The following ZNF587B variants were observed in gnomAD, a reference collection of about 807,000 sequenced individuals.
ZNF587B encodes zinc finger protein 587B.
ZNF587B carries 6 observed loss-of-function variants against 7.2 expected under a neutral mutation model. That is an observed-to-expected ratio of 0.83 (90% CI 0.46 to 1.65). The LOEUF is 1.65. ZNF587B is among the 40% of genes most tolerant of loss of function. The probability of loss-of-function intolerance (pLI) is 0.01; values close to 1 mark genes in which losing one functional copy is unlikely to be tolerated. For missense variants in ZNF587B, 749 were observed against 761.0 expected, an observed-to-expected ratio of 0.98 and a Z score of 0.19; for synonymous variants, 274 against 254.3, an observed-to-expected ratio of 1.08 and a Z score of -0.74.
chr19:57,841,255 G>C lies in ZNF587B; in HGVS notation c.581G>C (p.Gly194Ala). The change falls in exon 3 of 3, where the codon GGG becomes GCG. Residue 194 changes from glycine to alanine, a missense_variant. Coordinates refer to ENST00000594901, the MANE Select transcript of ZNF587B (RefSeq NM_001376223.1). ...CTCCAGCAGGAGGCCAGTCACACTG[G>C]GGAGAAGTCAAACAGCAAAACTGAG... ...GLLQQEASHTGEKSNSKTECV... is the reference protein window; with the variant it reads ...GLLQQEASHTAEKSNSKTECV... 6.2e-7 allele frequency: 1 copy of C among 1,614,124 alleles called. No homozygotes were observed. Among genetic ancestry groups the C allele is most frequent in the Non-Finnish European group, 8.5e-7 (1 of 1,180,026 alleles).
intron 1 of ZNF587B, among the ~76,000 whole-genome samples, chr19:57,838,763 T>C (rs1387108661): frequency 2.0e-5 from 3 of 152,140 alleles, no homozygotes; most frequent in African/African-American, 4.8e-5. Flanking sequence ...AGGTGCCACA[T>C]TGGGCTTCCC....
Position 57,846,188 on chromosome 19 carries a change from T to C in ZNF587B, c.*3612T>C, listed in dbSNP as rs996708685. 26 of 152,180 alleles carry C rather than the reference T, an allele frequency of 1.7e-4. No individual in the cohort carries two copies. The highest frequency in any genetic ancestry group is 6.3e-4 in the African/African-American group (26 of 41,444). 9.4% of individuals were successfully genotyped at this position (152,180 alleles called of 1,614,324 possible). A position where few individuals can be genotyped will look rare whatever the true frequency, so the allele number is the denominator to read the frequency against. ...TACTTTGCTGTATGATGGAGTACTTTCCATTTTCTGGAATTTTCTGACTGA... is the reference window on the plus strand; with the variant it reads ...TACTTTGCTGTATGATGGAGTACTTCCCATTTTCTGGAATTTTCTGACTGA... On this transcript the variant is annotated 3_prime_UTR_variant, in exon 3 of 3. Transcript: ENST00000594901.
rs777642678 is a variant in ZNF587B, at chr19:57,843,212, G to A, written c.*636G>A. On this transcript the variant is annotated 3_prime_UTR_variant, in exon 3 of 3. Coordinates refer to ENST00000594901, the MANE Select transcript of ZNF587B (RefSeq NM_001376223.1). Reference sequence around the variant, plus strand: ...TTTACCATGTTTCCAGGCTGGTATCGAACTCCTGAGCTCAAGCAATCTGTA... The same window carrying A: ...TTTACCATGTTTCCAGGCTGGTATCAAACTCCTGAGCTCAAGCAATCTGTA... The A allele has an allele frequency of 3.6e-4, 290 of 812,846 alleles. No individual in the cohort carries two copies. The highest frequency in any genetic ancestry group is 4.1e-4 in the Non-Finnish European group (275 of 673,012). 50.4% of individuals were successfully genotyped at this position (812,846 alleles called of 1,614,324 possible). A position where few individuals can be genotyped will look rare whatever the true frequency, so the allele number is the denominator to read the frequency against.
rs1307700200 is a variant in ZNF587B, at chr19:57,841,277, T to A, written c.603T>A (p.Thr201=). 9 of 1,613,966 alleles carry A rather than the reference T, an allele frequency of 5.6e-6. No individual in the cohort carries two copies. The East Asian group carries it at 2.0e-4, about 36-fold the overall frequency. ...CTGGGGAGAAGTCAAACAGCAAAAC[T>A]GAGTGTGTGTCTCCCTTTCAGTGTG... is the stretch of plus-strand genomic sequence containing the variant. The part of the protein sequence containing the change: ...SHTGEKSNSK[T]ECVSPFQCGG... The change falls in exon 3 of 3, where the codon ACT becomes ACA. Residue 201 remains threonine (T), a synonymous_variant. Coordinates refer to ENST00000594901, the MANE Select transcript of ZNF587B (RefSeq NM_001376223.1).
In ZNF587B at chr19:57,842,941, A is replaced by C; in HGVS notation, c.*365A>C. 1 of 985,378 alleles carries C rather than the reference A, an allele frequency of 1.0e-6. No homozygotes were observed. The highest frequency in any genetic ancestry group is 1.2e-6 in the Non-Finnish European group (1 of 829,922). 61.0% of individuals were successfully genotyped at this position (985,378 alleles called of 1,614,324 possible). ...GCCTTCTGTCATTGAATCCTAGAAC[A>C]CTGAGATGAGAAAAACACTGTAGAT... is the stretch of plus-strand genomic sequence containing the variant. On this transcript the variant is annotated 3_prime_UTR_variant, in exon 3 of 3. Transcript: ENST00000594901.
chr19:57,843,563 T>TTTGG lies in ZNF587B; in HGVS notation c.*1011_*1014dup, dbSNP rs1297723265. On this transcript the variant is annotated 3_prime_UTR_variant, in exon 3 of 3. Coordinates refer to ENST00000594901, the MANE Select transcript of ZNF587B (RefSeq NM_001376223.1). The stretch of plus-strand genomic sequence containing the variant: ...AGAGATTTTTTTTTTAAGTTTTTTG[T>TTTGG]TTGGTTGGTTGGTTGGTTGGTTGGT... 507 of 947,938 alleles carry TTTGG rather than the reference T, an allele frequency of 5.3e-4. 1 individual carries two copies. Among genetic ancestry groups the TTTGG allele is most frequent in the East Asian group, 8.5e-4 (7 of 8,236 alleles). 58.7% of individuals were successfully genotyped at this position (947,938 alleles called of 1,614,324 possible). A position where few individuals can be genotyped will look rare whatever the true frequency, so the allele number is the denominator to read the frequency against.
chr19:57,838,934 G>A, intron 1 of ZNF587B, 89 bp from the exon 2 acceptor site: 1 of 1,454,566 alleles, frequency 6.9e-7, no homozygotes, highest in South Asian at 1.3e-5. Flanking sequence ...TTGAGAGGAG[G>A]ATGTGCGAGA....
chr19:57,834,881 G>T, intron 1 of ZNF587B, among the ~76,000 whole-genome samples: 1 of 128,234 alleles, frequency 7.8e-6, no homozygotes, highest in Non-Finnish European at 1.7e-5. Context: ...GTTCTGTTAA[G>T]GGTATGATGG....
At chr19:57,831,148 C>G (rs889241155) in intron 1 of ZNF587B, among the ~76,000 whole-genome samples, 5 of 152,288 alleles carry the variant, frequency 3.3e-5, no homozygotes, top group African/African-American at 1.2e-4. Context: ...TGGGAGTCAG[C>G]TTGCACAAGT....
chr19:57,837,422 A>G (rs1454404735), intron 1 of ZNF587B, among the ~76,000 whole-genome samples: 2 of 146,326 alleles, frequency 1.4e-5, no homozygotes, highest in Non-Finnish European at 3.0e-5. Context: ...ACGCTCAGCT[A>G]GTTTTTTTTT....
At chr19:57,839,234 G>C in intron 2 of ZNF587B, 85 bp downstream of exon 2, 3 of 1,572,270 alleles carry the variant, frequency 1.9e-6, no homozygotes, top group Non-Finnish European at 2.6e-6. Flanking sequence ...TCTCATGTCA[G>C]GAGCATGGAC....
intron 2 of ZNF587B, among the ~76,000 whole-genome samples, chr19:57,839,385 C>T (rs1362866428): frequency 6.6e-6 from 1 of 152,132 alleles, no homozygotes; most frequent in Non-Finnish European, 1.5e-5. Flanking sequence ...CAGAAGCCCA[C>T]CTTGTTAGTC....
intron 2 of ZNF587B, 47 bp downstream of exon 2, chr19:57,839,196 C>T: frequency 1.2e-6 from 2 of 1,607,340 alleles, no homozygotes; most frequent in Non-Finnish European, 1.7e-6. Context: ...TCTCTGTTTT[C>T]CCCTGTCTTT....
rs878912839 is a variant in ZNF587B, at chr19:57,841,821, A to G, written c.1147A>G (p.Lys383Glu). The G allele has an allele frequency of 2.5e-6, 4 of 1,611,786 alleles. No individual in the cohort carries two copies. The highest frequency in any genetic ancestry group is 1.7e-5 in the Admixed American group (1 of 59,722). Reference protein sequence around the residue: ...QRIHTEVRPYKCGECGKSYIS... With the variant: ...QRIHTEVRPYECGECGKSYIS... Reference sequence around the variant, plus strand: ...CATTCACACTGAAGTAAGACCTTACAAGTGTGGAGAATGTGGGAAATCTTA... The same window carrying G: ...CATTCACACTGAAGTAAGACCTTACGAGTGTGGAGAATGTGGGAAATCTTA... The change falls in exon 3 of 3, where the codon AAG (lysine) becomes GAG (glutamate). Residue 383 changes from lysine to glutamate, a missense_variant. Around this residue, in one of 3 missense-constraint regions of ZNF587B, gnomAD observed 656 missense variants for 596.5 expected, o/e 1.10. Transcript: ENST00000594901.
intron 2 of ZNF587B, among the ~76,000 whole-genome samples, chr19:57,840,065 ACT>A (rs1312565217): frequency 8.5e-6 from 1 of 117,464 alleles, no homozygotes; most frequent in Non-Finnish European, 1.7e-5. Context: ...ACAGAGCGAG[ACT>A]CTGTCTCCAA....
At position 57,845,319 on chromosome 19, in the gene ZNF587B, G is replaced by A. The variant is rs1445030353; in HGVS notation, c.*2743G>A. ...TTAAAGGAGTGTCCACAGTTATCCA[G>A]TCACTGTGTCTGTGATGGATAAGCA... On this transcript the variant is annotated 3_prime_UTR_variant, in exon 3 of 3. Coordinates refer to ENST00000594901, the MANE Select transcript of ZNF587B (RefSeq NM_001376223.1). 2 of 152,196 alleles carry A rather than the reference G, an allele frequency of 1.3e-5. No homozygotes were observed. The highest frequency in any genetic ancestry group is 2.4e-5 in the African/African-American group (1 of 41,448). 9.4% of individuals were successfully genotyped at this position (152,196 alleles called of 1,614,324 possible).
chr19:57,830,479 C>G lies in ZNF587B; in HGVS notation c.-50C>G. ...GATAGGGACCGTCATGCCCATATCT[C>G]CTGGCTGGTCACCCTCTCCTCCCAA... On this transcript the variant is annotated 5_prime_UTR_variant, in exon 1 of 3. Coordinates refer to ENST00000594901, the MANE Select transcript of ZNF587B (RefSeq NM_001376223.1). The G allele has an allele frequency of 6.5e-7, 1 of 1,546,632 alleles. No homozygotes were observed. The highest frequency in any genetic ancestry group is 8.7e-7 in the Non-Finnish European group (1 of 1,146,132).
chr19:57,835,339 C>T (rs1318602540), intron 1 of ZNF587B, among the ~76,000 whole-genome samples: 4 of 124,360 alleles, frequency 3.2e-5, no homozygotes, highest in Non-Finnish European at 5.1e-5. Flanking sequence ...TCAGGTATGA[C>T]GCTGGGGGTT....
Position 57,841,489 on chromosome 19 carries a change from G to A in ZNF587B, c.815G>A (p.Cys272Tyr). The A allele has an allele frequency of 5.0e-6, 8 of 1,585,686 alleles. No individual in the cohort carries two copies. The highest frequency in any genetic ancestry group is 6.9e-6 in the Non-Finnish European group (8 of 1,165,224). ...CACAGTGGAAAAAGACCTTATGAAT[G>A]TGGAGAATGTGAGAAATCTTTTAGT... ...RVHSGKRPYE[C>Y]GECEKSFSQK... The change falls in exon 3 of 3, where the codon TGT becomes TAT. Residue 272 changes from cysteine (C) to tyrosine (Y), a missense_variant. Around this residue, in one of 3 missense-constraint regions of ZNF587B, gnomAD observed 656 missense variants for 596.5 expected, o/e 1.10. Transcript: ENST00000594901.
Sources: gnomAD v4.1 joint callset for allele counts (sites outside exome capture counted in the v4.1 genomes callset) on GRCh38, gnomAD v4.1.1 for gene constraint, gnomAD v4.1.1 regional missense constraint, MANE v1.5 for transcripts, NCBI Gene and HGNC (gene_info 2026-07-23, HGNC 2026-07-21) for gene names.